ARHGEF7: variants seen among roughly 807,000 people sequenced by gnomAD.
ARHGEF7 encodes Rho guanine nucleotide exchange factor 7.
In ARHGEF7, 33 loss-of-function variants were observed where a neutral mutation model predicts 109.8. The ratio of observed to expected loss-of-function variants is 0.30; its 90% CI spans 0.23 to 0.40. ARHGEF7 has a LOEUF of 0.40. Among genes scored for constraint, ARHGEF7 ranks in the 10% least tolerant of loss-of-function variants. The probability of loss-of-function intolerance (pLI) is 1.00; values close to 1 mark genes in which losing one functional copy is unlikely to be tolerated. For synonymous variants in ARHGEF7, 458 were observed against 424.6 expected (o/e 1.08, Z -0.97); for missense variants, 938 against 1,098.5 (o/e 0.85, Z 2.07).
rs1361301529 is a variant in ARHGEF7 at position 111,205,188 on chromosome 13, G to T, written c.253-101G>T. The T allele has an allele frequency of 1.4e-5, 12 of 867,200 alleles. No homozygotes were observed. In the African/African-American group the frequency reaches 1.9e-4, roughly 14 times the overall value. The allele number at this position is 867,200 out of a possible 1,614,324, so 53.7% of individuals were successfully genotyped here. ...TGTCGCAGGTTGTGCGGTCTCCTTA[G>T]GATTTCAGGCTGAGCATCGTCGCGT... On this transcript the variant is annotated intron_variant, in intron 2 of 21. Transcript: ENST00000646102.
intron 1 of ARHGEF7, among the ~76,000 whole-genome samples, chr13:111,120,300 C>G (rs939160728): frequency 6.6e-6 from 1 of 152,194 alleles, no homozygotes; most frequent in Non-Finnish European, 1.5e-5. Flanking sequence ...TCCTGAGAAC[C>G]AGACTAGAAA....
At position 111,152,257 on chromosome 13, in the gene ARHGEF7, T is replaced by G. The variant is rs569763995; in HGVS notation, c.166-1648T>G. ...TGTTTCTATTACACTTAGATTCTAT[T>G]GGATATATTTTTTATAAAGGATGCA... On this transcript the variant is annotated intron_variant, in intron 1 of 21. Coordinates refer to ENST00000646102, the MANE Select transcript of ARHGEF7 (RefSeq NM_001354046.2). Among the ~76,000 whole-genome samples the G allele has an allele frequency of 1.1e-4, 17 of 152,362 alleles. No homozygotes were observed. The East Asian group carries it at 3.3e-3, about 29-fold the overall frequency.
At chr13:111,121,840 C>T (rs1048138702) in intron 1 of ARHGEF7, among the ~76,000 whole-genome samples, 10 of 152,254 alleles carry the variant, frequency 6.6e-5, no homozygotes, top group African/African-American at 2.4e-4. Flanking sequence ...CTAGTTTCTT[C>T]CTCCTAAAAA....
chr13:111,281,744 A>G (rs943010703), intron 15 of ARHGEF7, among the ~76,000 whole-genome samples: 3 of 152,164 alleles, frequency 2.0e-5, no homozygotes, highest in African/African-American at 7.2e-5. Context: ...ATACAATTTT[A>G]TATCAAGTCA....
chr13:111,297,409 G>T (rs971706209), intron 19 of ARHGEF7, among the ~76,000 whole-genome samples: 3 of 152,080 alleles, frequency 2.0e-5, no homozygotes, highest in Non-Finnish European at 2.9e-5. Context: ...AATCCTTCTC[G>T]CATGCTTTAA....
chr13:111,218,070 G>A (rs1278368421), intron 5 of ARHGEF7, among the ~76,000 whole-genome samples, 190 bp downstream of exon 5: 1 of 152,182 alleles, frequency 6.6e-6, no homozygotes, highest in Non-Finnish European at 1.5e-5. Context: ...GGGCTCTCTA[G>A]TTACTAGCCA....
intron 2 of ARHGEF7, among the ~76,000 whole-genome samples, chr13:111,154,974 G>C (rs1382749596): frequency 6.6e-6 from 1 of 151,670 alleles, no homozygotes. Context: ...AGCCAACCTT[G>C]GATTGGAAAT....
intron 8 of ARHGEF7, among the ~76,000 whole-genome samples, chr13:111,248,026 A>G (rs1046430604): frequency 6.6e-6 from 1 of 152,066 alleles, no homozygotes; most frequent in African/African-American, 2.4e-5. Flanking sequence ...TGAAGTTTCT[A>G]TCTGGTGTCA....
intron 15 of ARHGEF7, among the ~76,000 whole-genome samples, chr13:111,282,193 T>TACTGTGTG (rs111903624): frequency 6.6e-6 from 1 of 152,142 alleles, no homozygotes; most frequent in African/African-American, 2.4e-5. Context: ...TGGCATTAGC[T>TACTGTGTG]GCCGTCCCTC....
chr13:111,276,745 T>C (rs942300721), intron 12 of ARHGEF7, among the ~76,000 whole-genome samples: 5 of 152,188 alleles, frequency 3.3e-5, no homozygotes, highest in African/African-American at 4.8e-5. Context: ...TTCTTTAAAG[T>C]ACGGAAGACT....
intron 19 of ARHGEF7, among the ~76,000 whole-genome samples, chr13:111,298,066 TTGG>T (rs1211434648): frequency 3.3e-5 from 5 of 152,250 alleles, no homozygotes; most frequent in Non-Finnish European, 5.9e-5. Context: ...AACTGGATAA[TTGG>T]TGGGAAAATT....
At chr13:111,200,814 C>T (rs1440416903) in intron 2 of ARHGEF7, among the ~76,000 whole-genome samples, 1 of 152,196 alleles carries the variant, frequency 6.6e-6, no homozygotes, top group Non-Finnish European at 1.5e-5. Flanking sequence ...CCCCTTCTGG[C>T]ATCTGGAATC....
chr13:111,132,039 C>T (rs924139886), intron 1 of ARHGEF7, among the ~76,000 whole-genome samples: 7 of 152,076 alleles, frequency 4.6e-5, no homozygotes, highest in African/African-American at 1.2e-4. Context: ...GGGAACTGAG[C>T]GGGAGATTAG....
chr13:111,241,017 G>A, intron 6 of ARHGEF7: 1 of 833,262 alleles, frequency 1.2e-6, no homozygotes, highest in South Asian at 2.0e-5. Context: ...AAGTGTCTGT[G>A]TCTGCGAGGC....
Position 111,217,820 on chromosome 13 carries a change from A to G in ARHGEF7, c.610A>G (p.Thr204Ala), listed in dbSNP as rs758225753. 1 of 1,614,210 alleles carries G rather than the reference A, an allele frequency of 6.2e-7. No individual in the cohort carries two copies. Among genetic ancestry groups the G allele is most frequent in the Non-Finnish European group, 8.5e-7 (1 of 1,180,010 alleles). Residue 204 changes from threonine (T) to alanine (A), a missense_variant, in exon 5 of 22, where the codon ACA becomes GCA. Coordinates refer to ENST00000646102, the MANE Select transcript of ARHGEF7 (RefSeq NM_001354046.2). Reference protein sequence around the residue: ...RVEEGGWWEGTLNGRTGWFPS... With the variant: ...RVEEGGWWEGALNGRTGWFPS... ...GGAAGAGGGAGGCTGGTGGGAGGGCACACTCAACGGCCGGACCGGCTGGTT... is the reference window on the plus strand; with the variant it reads ...GGAAGAGGGAGGCTGGTGGGAGGGCGCACTCAACGGCCGGACCGGCTGGTT...
intron 3 of ARHGEF7, among the ~76,000 whole-genome samples, chr13:111,206,234 G>T (rs546622722): frequency 2.7e-5 from 4 of 150,320 alleles, no homozygotes; most frequent in Admixed American, 1.3e-4. Context: ...GCCCTTCAGA[G>T]GGGGGGGTGT....
At chr13:111,215,371 CT>C (rs5806891) in intron 4 of ARHGEF7, among the ~76,000 whole-genome samples, 93,758 of 150,936 alleles carry the variant, frequency 0.62, 30,036 homozygotes, top group South Asian at 0.81. Flanking sequence ...ATAAAGTGCC[CT>C]TTTTTTTTGT....
At chr13:111,283,021 T>C (rs762444002) in intron 15 of ARHGEF7, 118 bp from the exon 16 acceptor site, 1 of 1,272,164 alleles carries the variant, frequency 7.9e-7, no homozygotes, top group Non-Finnish European at 1.1e-6. Flanking sequence ...TGATAAATCC[T>C]GAGGTTTATT....
chr13:111,281,599 C>G (rs1213396249), intron 15 of ARHGEF7, among the ~76,000 whole-genome samples: 1 of 152,196 alleles, frequency 6.6e-6, no homozygotes, highest in Non-Finnish European at 1.5e-5. Context: ...TTTAATGGCT[C>G]TACCATTTTA....
Sources: gnomAD v4.1 joint callset for allele counts (sites outside exome capture counted in the v4.1 genomes callset) on GRCh38, gnomAD v4.1.1 for gene constraint, MANE v1.5 for transcripts, NCBI Gene and HGNC (gene_info 2026-07-23, HGNC 2026-07-21) for gene names.